LRBA: variants seen among roughly 807,000 people sequenced by gnomAD.
LRBA encodes lipopolysaccharide-responsive and beige-like anchor protein.
A neutral mutation model predicts 330.0 loss-of-function variants in LRBA; 176 were observed. The ratio of observed to expected loss-of-function variants is 0.53; its 90% CI spans 0.47 to 0.60. The LOEUF is 0.60. Ranked by LOEUF, LRBA falls within the 20% of genes least tolerant of loss-of-function variation. The pLI is 0.00. For missense variants in LRBA, 3,259 were observed against 3,444.8 expected (o/e 0.95, Z 1.35); for synonymous variants, 1,230 against 1,193.0 (o/e 1.03, Z -0.64).
chr4:150,461,774 G>A (rs1754809009), intron 44 of LRBA, among the ~76,000 whole-genome samples: 1 of 151,608 alleles, frequency 6.6e-6, no homozygotes, highest in South Asian at 2.1e-4. Context: ...GAACATGCTG[G>A]TTTTTTTAAA....
At chr4:150,464,116 C>G (rs1755138241) in intron 44 of LRBA, among the ~76,000 whole-genome samples, 1 of 151,732 alleles carries the variant, frequency 6.6e-6, no homozygotes, top group Non-Finnish European at 1.5e-5. Flanking sequence ...TAGTACTCAT[C>G]ACATCTTAAA....
At chr4:150,597,406 T>A (rs150181192) in intron 38 of LRBA, among the ~76,000 whole-genome samples, 1 of 151,840 alleles carries the variant, frequency 6.6e-6, no homozygotes, top group Non-Finnish European at 1.5e-5. Context: ...CTATATTAAA[T>A]CTATACCACA....
At chr4:150,398,592 C>T (rs1736190478) in intron 47 of LRBA, among the ~76,000 whole-genome samples, 1 of 151,980 alleles carries the variant, frequency 6.6e-6, no homozygotes, top group African/African-American at 2.4e-5. Flanking sequence ...GGATATCTTA[C>T]ACCTAAACAT....
At chr4:150,271,868 T>C (rs1746152933) in intron 56 of LRBA, among the ~76,000 whole-genome samples, 2 of 152,108 alleles carry the variant, frequency 1.3e-5, no homozygotes, top group South Asian at 4.1e-4. Flanking sequence ...AGTTAGGGGC[T>C]TATAGATAAA....
intron 37 of LRBA, among the ~76,000 whole-genome samples, chr4:150,674,308 C>T (rs1043020011): frequency 6.6e-6 from 1 of 151,108 alleles, no homozygotes; most frequent in African/African-American, 2.4e-5. Flanking sequence ...TAAGAATGAT[C>T]CTGACCCAAG....
chr4:150,691,044 C>T (rs1274610835), intron 36 of LRBA, among the ~76,000 whole-genome samples: 1 of 151,278 alleles, frequency 6.6e-6, no homozygotes, highest in Non-Finnish European at 1.5e-5. Context: ...ATTCTCCTGC[C>T]TCAGCCTCCC....
chr4:150,423,241 G>C, intron 46 of LRBA: 1 of 1,242,772 alleles, frequency 8.0e-7, no homozygotes, highest in Non-Finnish European at 1.2e-6. Flanking sequence ...AAGCAAACAA[G>C]AGCTGACACG....
At chr4:150,816,962 T>C (rs530954267) in intron 31 of LRBA, among the ~76,000 whole-genome samples, 162 bp downstream of exon 31, 1 of 152,148 alleles carries the variant, frequency 6.6e-6, no homozygotes, top group Admixed American at 6.6e-5. Context: ...TAATTTCTTT[T>C]AATTTTACTC....
intron 37 of LRBA, among the ~76,000 whole-genome samples, chr4:150,638,034 G>T (rs761616675): frequency 4.0e-5 from 6 of 151,690 alleles, no homozygotes; most frequent in African/African-American, 1.5e-4. Flanking sequence ...GATCAGTTTG[G>T]GGCATACTAG....
chr4:150,782,640 G>A (rs2126600893), intron 34 of LRBA, among the ~76,000 whole-genome samples: 1 of 152,238 alleles, frequency 6.6e-6, no homozygotes, highest in East Asian at 1.9e-4. Context: ...AACATTTAGG[G>A]TGTACCCACA....
intron 36 of LRBA, among the ~76,000 whole-genome samples, chr4:150,717,701 A>AATAATAATAATAATCATCATC (rs890794296): frequency 5.4e-5 from 8 of 148,058 alleles, no homozygotes; most frequent in Admixed American, 1.4e-4. Context: ...TAATAATAAT[A>AATAATAATAATAATCATCATC]ATCAGTGCTT....
chr4:150,918,711 T>C (rs985285113), intron 5 of LRBA, among the ~76,000 whole-genome samples: 4 of 152,196 alleles, frequency 2.6e-5, no homozygotes, highest in East Asian at 1.9e-4. Flanking sequence ...ATCACACCAC[T>C]GCATTCCAGC....
chr4:150,359,485 A>AG (rs1306109525), intron 47 of LRBA, among the ~76,000 whole-genome samples: 1 of 152,188 alleles, frequency 6.6e-6, no homozygotes, highest in Non-Finnish European at 1.5e-5. Flanking sequence ...TACCAGTGTG[A>AG]GGGGTGAAGA....
chr4:150,629,378 C>T (rs539148738), intron 37 of LRBA, among the ~76,000 whole-genome samples: 2 of 152,358 alleles, frequency 1.3e-5, no homozygotes, highest in African/African-American at 4.8e-5. Flanking sequence ...GTGGCTCATG[C>T]CTGTAATCCC....
intron 49 of LRBA, among the ~76,000 whole-genome samples, chr4:150,325,218 A>C (rs926418501): frequency 6.6e-6 from 1 of 152,090 alleles, no homozygotes; most frequent in African/African-American, 2.4e-5. Context: ...CCCACCCCCA[A>C]GCAGTGTGTG....
At chr4:150,699,679 T>C (rs536025413) in intron 36 of LRBA, among the ~76,000 whole-genome samples, 6 of 152,290 alleles carry the variant, frequency 3.9e-5, no homozygotes, top group African/African-American at 9.6e-5. Context: ...CCTGACAACA[T>C]AGCTACAGGT....
chr4:150,991,030 G>A (rs966903730), intron 2 of LRBA, among the ~76,000 whole-genome samples: 2 of 144,712 alleles, frequency 1.4e-5, no homozygotes, highest in Non-Finnish European at 3.0e-5. Context: ...TCCAACCTGA[G>A]TGACAAAGTG....
chr4:150,590,761 C>T lies in LRBA; in HGVS notation c.6145G>A (p.Asp2049Asn). 1 of 1,614,118 alleles carries T rather than the reference C, an allele frequency of 6.2e-7. No homozygotes were observed. The highest frequency in any genetic ancestry group is 8.5e-7 in the Non-Finnish European group (1 of 1,179,974). The change falls in exon 39 of 57, where the codon GAT becomes AAT. Residue 2049 changes from aspartate to asparagine, a missense_variant. Coordinates refer to ENST00000651943, the MANE Select transcript of LRBA (RefSeq NM_001364905.1). Reference protein sequence around the residue: ...SENEILLEGDDDTLSSVDEKD... With the variant: ...SENEILLEGDNDTLSSVDEKD... ...TCATCCACGGATGACAGAGTATCAT[C>T]ATCGCCTTCCAGGAGGATCTCGTTT...
At chr4:150,343,065 G>A (rs1339944280) in intron 48 of LRBA, among the ~76,000 whole-genome samples, 1 of 152,064 alleles carries the variant, frequency 6.6e-6, no homozygotes, top group Non-Finnish European at 1.5e-5. Flanking sequence ...GGGGTGGGGA[G>A]TAAATTAGTA....
Sources: gnomAD v4.1 joint callset for allele counts (sites outside exome capture counted in the v4.1 genomes callset) on GRCh38, gnomAD v4.1.1 for gene constraint, MANE v1.5 for transcripts, NCBI Gene and HGNC (gene_info 2026-07-23, HGNC 2026-07-21) for gene names.